Variants in AGBL3 observed in about 807,000 individuals in gnomAD.
The protein encoded by AGBL3 is cytosolic carboxypeptidase 3.
AGBL3 carries 68 observed loss-of-function variants against 94.5 expected under a neutral mutation model. The ratio of observed to expected loss-of-function variants is 0.72; its 90% CI spans 0.59 to 0.88. The LOEUF (loss-of-function observed/expected upper bound fraction) is 0.88, where lower values mean the gene tolerates loss of function less well. Ranked by LOEUF, AGBL3 falls within the 40% of genes least tolerant of loss-of-function variation. The pLI, the probability that AGBL3 is intolerant of heterozygous loss-of-function variation, is 0.00. For synonymous variants in AGBL3, 354 were observed against 370.7 expected (o/e 0.95, Z 0.52); for missense variants, 934 against 1,103.8 (o/e 0.85, Z 2.18).
intron 8 of AGBL3, among the ~76,000 whole-genome samples, chr7:135,039,070 T>G (rs891904300): frequency 1.2e-4 from 19 of 152,286 alleles, no homozygotes; most frequent in African/African-American, 4.1e-4. Context: ...ATCAACCAAC[T>G]GGATTTGACA....
intron 9 of AGBL3, 29 bp from the exon 10 acceptor site, chr7:135,045,445 A>G (rs887778566): frequency 6.6e-7 from 1 of 1,518,864 alleles, no homozygotes; most frequent in African/African-American, 1.4e-5. Context: ...ACTTACCCTC[A>G]AGGGTGGATA....
At chr7:135,055,965 C>A (rs1242301301) in intron 11 of AGBL3, among the ~76,000 whole-genome samples, 1 of 151,844 alleles carries the variant, frequency 6.6e-6, no homozygotes, top group Non-Finnish European at 1.5e-5. Context: ...TCTATTAGAT[C>A]TATATCTCTC....
intron 4 of AGBL3, among the ~76,000 whole-genome samples, chr7:135,008,125 G>A (rs530030386): frequency 6.6e-6 from 1 of 151,934 alleles, no homozygotes; most frequent in South Asian, 2.1e-4. Context: ...TGTAGAAATT[G>A]ACAGACTGAT....
intron 11 of AGBL3, among the ~76,000 whole-genome samples, chr7:135,053,736 C>G (rs1387780077): frequency 6.6e-6 from 1 of 151,980 alleles, no homozygotes; most frequent in African/African-American, 2.4e-5. Flanking sequence ...TTCCTGAGAC[C>G]TAAAAAATGA....
intron 12 of AGBL3, among the ~76,000 whole-genome samples, chr7:135,071,634 C>A (rs922340560): frequency 1.6e-4 from 25 of 152,150 alleles, no homozygotes; most frequent in African/African-American, 5.8e-4. Context: ...TGATCTTTGA[C>A]AAACCTGACA....
At chr7:135,081,928 CA>C in intron 15 of AGBL3, 138 bp downstream of exon 15, 1 of 510,954 alleles carries the variant, frequency 2.0e-6, no homozygotes, top group East Asian at 3.1e-5. Context: ...TTTACCCAGT[CA>C]AAACCAAAAC....
At chr7:135,044,984 A>G (rs897919973) in intron 9 of AGBL3, among the ~76,000 whole-genome samples, 1 of 123,052 alleles carries the variant, frequency 8.1e-6, no homozygotes, top group Non-Finnish European at 1.7e-5. Flanking sequence ...TGTTCTTGCG[A>G]TAGTTTACTG....
chr7:135,109,213 G>T (rs10227588), intron 15 of AGBL3, among the ~76,000 whole-genome samples: 73,743 of 152,010 alleles, frequency 0.49, 18,264 homozygotes, highest in South Asian at 0.66. Context: ...TAAGAACCCT[G>T]GTTGGAGAAC....
At chr7:135,039,633 G>T (rs1816652693) in intron 8 of AGBL3, among the ~76,000 whole-genome samples, 1 of 152,034 alleles carries the variant, frequency 6.6e-6, no homozygotes, top group South Asian at 2.1e-4. Context: ...TATTTGGGAG[G>T]CTGAGGCAAG....
At chr7:135,022,110 T>C (rs907910284) in intron 5 of AGBL3, among the ~76,000 whole-genome samples, 15 of 152,184 alleles carry the variant, frequency 9.9e-5, no homozygotes, top group South Asian at 2.1e-4. Flanking sequence ...CCATTGTGAA[T>C]AGTGATGCAA....
At chr7:135,015,674 TCTGTTTTCTTAA>T (rs1373668598) in intron 4 of AGBL3, among the ~76,000 whole-genome samples, 2 of 151,970 alleles carry the variant, frequency 1.3e-5, no homozygotes, top group Non-Finnish European at 2.9e-5. Context: ...TAATAAAATC[TCTGTTTTCTTAA>T]CTGAGAAGTC....
intron 15 of AGBL3, chr7:135,094,165 T>G: frequency 2.9e-6 from 1 of 343,952 alleles, no homozygotes; most frequent in South Asian, 2.3e-5. Flanking sequence ...GACTTACTAT[T>G]TAAACAGATA....
chr7:135,035,991 TAATAA>T (rs1398529600), intron 7 of AGBL3, among the ~76,000 whole-genome samples: 28 of 152,232 alleles, frequency 1.8e-4, no homozygotes, highest in African/African-American at 6.7e-4. Context: ...AATTAACACA[TAATAA>T]ATTTTAGTTT....
At chr7:135,025,573 T>A (rs1814997457) in intron 5 of AGBL3, among the ~76,000 whole-genome samples, 1 of 151,514 alleles carries the variant, frequency 6.6e-6, no homozygotes, top group African/African-American at 2.4e-5. Flanking sequence ...GATGACAGGA[T>A]TAAAATCGCA....
intron 16 of AGBL3, 83 bp downstream of exon 16, chr7:135,115,694 G>GAA: frequency 1.7e-6 from 2 of 1,159,794 alleles, no homozygotes; most frequent in Non-Finnish European, 2.4e-6. Context: ...ATTATCCTAC[G>GAA]AAAAAAAAAT....
chr7:135,041,149 GC>G (rs1231136524), intron 8 of AGBL3, among the ~76,000 whole-genome samples: 1 of 152,066 alleles, frequency 6.6e-6, no homozygotes. Flanking sequence ...GAGACAACGT[GC>G]TGTATTATGG....
intron 9 of AGBL3, 115 bp downstream of exon 9, chr7:135,044,266 A>T: frequency 4.1e-6 from 4 of 970,144 alleles, no homozygotes; most frequent in South Asian, 4.0e-5. Context: ...AATAATACTA[A>T]TATTTAATCA....
At chr7:135,019,508 TG>T (rs371791976) in intron 5 of AGBL3, among the ~76,000 whole-genome samples, 11 of 152,238 alleles carry the variant, frequency 7.2e-5, no homozygotes, top group South Asian at 2.1e-4. Flanking sequence ...ATCATTTTTT[TG>T]TGAATGGTTT....
intron 2 of AGBL3, 107 bp downstream of exon 2, chr7:134,988,103 T>G (rs1156815898): frequency 1.6e-5 from 14 of 852,696 alleles, no homozygotes; most frequent in Non-Finnish European, 1.8e-6. Flanking sequence ...ATTGGATGTT[T>G]AAATTATTGT....
Sources: gnomAD v4.1 joint callset for allele counts (sites outside exome capture counted in the v4.1 genomes callset) on GRCh38, gnomAD v4.1.1 for gene constraint, MANE v1.5 for transcripts, NCBI Gene and HGNC (gene_info 2026-07-23, HGNC 2026-07-21) for gene names.